LPAR5: variants seen among roughly 807,000 people sequenced by gnomAD.
The protein encoded by LPAR5 is lysophosphatidic acid receptor 5, also known as G protein-coupled receptor 92.
For synonymous variants in LPAR5, 271 were observed against 261.6 expected (o/e 1.04, Z -0.35); for missense variants, 544 against 521.8 (o/e 1.04, Z -0.41).
intron 1 of LPAR5, among the ~76,000 whole-genome samples, chr12:6,624,015 C>A (rs1238042254): frequency 6.6e-6 from 1 of 152,130 alleles, no homozygotes; most frequent in Non-Finnish European, 1.5e-5. Context: ...CCCAGCCTTA[C>A]GCATCACATG....
At chr12:6,632,186 T>A (rs1170293498) in intron 1 of LPAR5, among the ~76,000 whole-genome samples, 1 of 152,140 alleles carries the variant, frequency 6.6e-6, no homozygotes, top group Admixed American at 6.6e-5. Context: ...TTGGCCAGAC[T>A]GGTCTTGAAC....
chr12:6,634,456 A>G (rs1204875321), intron 1 of LPAR5, among the ~76,000 whole-genome samples: 1 of 151,688 alleles, frequency 6.6e-6, no homozygotes, highest in African/African-American at 2.4e-5. Context: ...CTACACAAAC[A>G]CACACACACC....
chr12:6,630,331 T>C (rs35104374), intron 1 of LPAR5, among the ~76,000 whole-genome samples: 103,437 of 151,108 alleles, frequency 0.68, 36,855 homozygotes, highest in East Asian at 0.97. Flanking sequence ...ACCATGTTGG[T>C]CAGGCTAGGC....
chr12:6,631,767 G>C (rs892330769), intron 1 of LPAR5: 1 of 152,206 alleles, frequency 6.6e-6, no homozygotes, highest in Non-Finnish European at 1.5e-5. Flanking sequence ...CACACACCCT[G>C]CCCTGGTATC....
At chr12:6,631,051 G>T (rs969532053) in intron 1 of LPAR5, among the ~76,000 whole-genome samples, 1 of 152,214 alleles carries the variant, frequency 6.6e-6, no homozygotes, top group Admixed American at 6.5e-5. Flanking sequence ...TGAAGAAGAG[G>T]TCAGGCTGTA....
At position 6,620,740 on chromosome 12, in the gene LPAR5, A is replaced by T. The variant is rs766950125; in HGVS notation, c.509T>A (p.Leu170His). ...HRPSRCRYRD[L>H]EVRLCFESFS... ...GCTCTCGAAGCATAGGCGCACCTCG[A>T]GGTCCCGGTAGCGGCAACGCGAGGG... is the stretch of plus-strand genomic sequence containing the variant. Residue 170 changes from leucine to histidine, a missense_variant, in exon 2 of 2, where the codon CTC (leucine) becomes CAC (histidine). By Grantham distance (99) the Leu-to-His change is moderately conservative. Coordinates refer to ENST00000329858, the MANE Select transcript of LPAR5 (RefSeq NM_020400.6). The surrounding 1 kb of genome is among the most constrained non-coding windows in gnomAD (Gnocchi z 6.8). 73 of 1,590,914 alleles carry T rather than the reference A, an allele frequency of 4.6e-5. No homozygotes were observed. The Admixed American group carries it at 1.3e-3, about 27-fold the overall frequency.
Position 6,633,111 on chromosome 12 carries a change from T to G in LPAR5, c.-217+2796A>C, listed in dbSNP as rs76842061. On this transcript the variant is annotated intron_variant, in intron 1 of 1. Coordinates refer to ENST00000329858, the MANE Select transcript of LPAR5 (RefSeq NM_020400.6). The stretch of plus-strand genomic sequence containing the variant: ...GCAGAAAGCAAAGGTGGTCTACAGC[T>G]CAATAACTAGTTTCCCTGATGTGCG... 3.7e-3 allele frequency among the ~76,000 whole-genome samples: 564 copies of G among 152,276 alleles called. 1 individual carries two copies. The highest frequency in any genetic ancestry group is 5.3e-3 in the Non-Finnish European group (360 of 68,016).
chr12:6,621,637 G>T (rs1045675290), intron 1 of LPAR5, among the ~76,000 whole-genome samples, 173 bp from the exon 2 acceptor site: 12 of 152,236 alleles, frequency 7.9e-5, no homozygotes, highest in African/African-American at 2.9e-4. Context: ...AGGTTTGAAG[G>T]CAGGGACTCG....
intron 1 of LPAR5, among the ~76,000 whole-genome samples, chr12:6,624,015 C>T (rs1238042254): frequency 2.6e-5 from 4 of 152,130 alleles, no homozygotes; most frequent in Admixed American, 6.6e-5. Context: ...CCCAGCCTTA[C>T]GCATCACATG....
Position 6,621,104 on chromosome 12 carries a change from G to A in LPAR5, c.145C>T (p.Arg49Cys), listed in dbSNP as rs769378579. The stretch of plus-strand genomic sequence containing the variant: ...ACCACCGAGTGCACGCGCAGCGCGC[G>A]CAGGAAGACCCAGAGGGCTAGCGCG... Reference protein sequence around the residue: ...LNALALWVFLRALRVHSVVSV... With the variant: ...LNALALWVFLCALRVHSVVSV... The change falls in exon 2 of 2, where the codon CGC becomes TGC. Residue 49 changes from arginine to cysteine, a missense_variant. Transcript: ENST00000329858. 2.0e-5 allele frequency: 32 copies of A among 1,602,774 alleles called. No individual in the cohort carries two copies. The highest frequency in any genetic ancestry group is 2.5e-5 in the Non-Finnish European group (29 of 1,173,804).
chr12:6,619,789 C>G lies in LPAR5; in HGVS notation c.*341G>C, dbSNP rs1425815477. On this transcript the variant is annotated 3_prime_UTR_variant, in exon 2 of 2. Coordinates refer to ENST00000329858, the MANE Select transcript of LPAR5 (RefSeq NM_020400.6). The stretch of plus-strand genomic sequence containing the variant: ...CTGTGGCGGTTTAGATCCAGAATGC[C>G]CATTTTCTGTTCCATCTAACCAGCT... 1 of 430,702 alleles carries G rather than the reference C, an allele frequency of 2.3e-6. No individual in the cohort carries two copies. The highest frequency in any genetic ancestry group is 4.4e-6 in the Non-Finnish European group (1 of 225,612). 26.7% of individuals were successfully genotyped at this position (430,702 alleles called of 1,614,324 possible).
rs1208231486 is a variant in LPAR5, at chr12:6,621,324, C to T, written c.-76G>A. 17 of 1,375,570 alleles carry T rather than the reference C, an allele frequency of 1.2e-5. No individual in the cohort carries two copies. Among genetic ancestry groups the T allele is most frequent in the African/African-American group, 1.5e-5 (1 of 67,160 alleles). The allele number at this position is 1,375,570 out of a possible 1,614,324, so 85.2% of individuals were successfully genotyped here. On this transcript the variant is annotated 5_prime_UTR_variant, in exon 2 of 2. Coordinates refer to ENST00000329858, the MANE Select transcript of LPAR5 (RefSeq NM_020400.6). ...AGAATCATGGCATGGCATTCACCTC[C>T]GGGGCTGGGGCCTAGAGGCTGTACA...
intron 1 of LPAR5, among the ~76,000 whole-genome samples, chr12:6,634,405 G>A (rs924467993): frequency 2.0e-5 from 3 of 149,932 alleles, no homozygotes; most frequent in South Asian, 2.2e-4. Context: ...ACTTTAGCGC[G>A]AGTTCAAGAC....
At chr12:6,625,034 G>A (rs1470802739) in intron 1 of LPAR5, among the ~76,000 whole-genome samples, 1 of 152,184 alleles carries the variant, frequency 6.6e-6, no homozygotes, top group East Asian at 1.9e-4. Flanking sequence ...TGTGAATAAT[G>A]CCACTGTGAA....
chr12:6,622,183 G>A (rs917234559), intron 1 of LPAR5, among the ~76,000 whole-genome samples: 5 of 151,164 alleles, frequency 3.3e-5, no homozygotes, highest in Non-Finnish European at 7.4e-5. Context: ...CAGCACTTTG[G>A]GAGGCCGAGG....
intron 1 of LPAR5, among the ~76,000 whole-genome samples, chr12:6,632,251 G>A (rs10459138): frequency 0.013 from 1,940 of 152,220 alleles, 31 homozygotes; most frequent in African/African-American, 0.04. Flanking sequence ...AATTACAGGC[G>A]TGAGCCACTG....
rs1331964882 is a variant in LPAR5, at chr12:6,620,086, G to C, written c.*44C>G. The C allele has an allele frequency of 3.1e-6, 5 of 1,611,138 alleles. No individual in the cohort carries two copies. The highest frequency in any genetic ancestry group is 4.2e-6 in the Non-Finnish European group (5 of 1,178,708). The stretch of plus-strand genomic sequence containing the variant: ...ACACCCTGTAAGCCTCCCAGAACGA[G>C]AGGCGTTGGGAGTCGGGCACGGACA... On this transcript the variant is annotated 3_prime_UTR_variant, in exon 2 of 2. Transcript: ENST00000329858. The surrounding 1 kb of genome is among the most constrained non-coding windows in gnomAD (Gnocchi z 6.8).
At chr12:6,633,036 C>T (rs965971542) in intron 1 of LPAR5, among the ~76,000 whole-genome samples, 9 of 152,194 alleles carry the variant, frequency 5.9e-5, no homozygotes, top group Non-Finnish European at 1.0e-4. Flanking sequence ...CTGGCTTCTC[C>T]CTCCCTGAGT....
chr12:6,632,821 G>A (rs6489726), intron 1 of LPAR5, among the ~76,000 whole-genome samples: 124,108 of 152,136 alleles, frequency 0.82, 51,925 homozygotes, highest in Non-Finnish European at 0.92. Flanking sequence ...TCCCCAGGGT[G>A]GGCGGGGAGG....
Sources: gnomAD v4.1 joint callset for allele counts (sites outside exome capture counted in the v4.1 genomes callset) on GRCh38, gnomAD v4.1.1 for gene constraint, Gnocchi (gnomAD v3.1) non-coding constraint, MANE v1.5 for transcripts, NCBI Gene and HGNC (gene_info 2026-07-23, HGNC 2026-07-21) for gene names.